The following SSUH2 variants were observed in gnomAD, a reference collection of about 807,000 sequenced individuals.
SSUH2 encodes ssu-2 homolog, also known as protein SSUH2 homolog.
Under a neutral mutation model 55.3 loss-of-function variants are expected in SSUH2, and 47 were observed. That is an observed-to-expected ratio of 0.85 (90% CI 0.67 to 1.08). The LOEUF (loss-of-function observed/expected upper bound fraction) is 1.08, where lower values mean the gene tolerates loss of function less well. Ranked by LOEUF, SSUH2 falls within the 50% of genes least tolerant of loss-of-function variation. SSUH2 has a pLI of 0.00. For synonymous variants in SSUH2, 212 were observed against 191.5 expected (o/e 1.11, Z -0.89); for missense variants, 535 against 490.7 (o/e 1.09, Z -0.85).
chr3:8,644,065 CAT>C (rs1283500694), intron 1 of SSUH2, among the ~76,000 whole-genome samples: 1 of 151,910 alleles, frequency 6.6e-6, no homozygotes, highest in African/African-American at 2.4e-5. Context: ...CTTTTTAAAA[CAT>C]AGCACATTTC....
At chr3:8,621,158 G>C (rs1017958530) in intron 11 of SSUH2, among the ~76,000 whole-genome samples, 1 of 152,170 alleles carries the variant, frequency 6.6e-6, no homozygotes, top group African/African-American at 2.4e-5. Flanking sequence ...TGTGGGCCGG[G>C]CTCTGTGCAA....
At chr3:8,677,591 A>G (rs149145635) in intron 2 of SSUH2, among the ~76,000 whole-genome samples, 2,348 of 150,834 alleles carry the variant, frequency 0.016, 131 homozygotes, top group African/African-American at 0.053. Context: ...CATTGTATGC[A>G]TCAGAGAGAG....
intron 7 of SSUH2, among the ~76,000 whole-genome samples, chr3:8,653,062 A>G (rs1702584590): frequency 6.6e-6 from 1 of 152,198 alleles, no homozygotes. Flanking sequence ...GAGAATCCAC[A>G]ACCAAAAACC....
rs1192424756 is a variant in SSUH2 at position 8,623,615 on chromosome 3, AAG to A, written c.913_914del (p.Leu305CysfsTer27). On this transcript the variant is annotated frameshift_variant, in exon 11 of 12. Coordinates refer to ENST00000544814, the MANE Select transcript of SSUH2 (RefSeq NM_001256748.3). LOFTEE classifies it high-confidence loss of function. Reference protein sequence around the residue: ...IVDFPLRDISLASQRGIAEHS... With the variant: ...IVDFPLRDISXASQRGIAEHS... The stretch of plus-strand genomic sequence containing the variant: ...GCTCTGCAATGCCCCTCTGGGAGGC[AAG>A]AGAGATGTCTCGCAGAGGGAAGTCC... The A allele has an allele frequency of 1.3e-6, 2 of 1,544,774 alleles. No homozygotes were observed. The highest frequency in any genetic ancestry group is 2.7e-5 in the African/African-American group (2 of 72,930).
At chr3:8,676,787 G>T (rs1471702115) in intron 3 of SSUH2, among the ~76,000 whole-genome samples, 3 of 147,790 alleles carry the variant, frequency 2.0e-5, no homozygotes, top group East Asian at 4.1e-4. Context: ...CATCGCAGTG[G>T]GGGGAGGCAC....
intron 7 of SSUH2, among the ~76,000 whole-genome samples, chr3:8,655,914 CACTT>C (rs1284298763): frequency 6.6e-6 from 1 of 152,192 alleles, no homozygotes; most frequent in Non-Finnish European, 1.5e-5. Flanking sequence ...CAGATATCTC[CACTT>C]TTTTTTTCTT....
Position 8,681,160 on chromosome 3 carries a change from CAG to C in SSUH2, c.-1046+729_-1046+730del, listed in dbSNP as rs1491499748. 2.0e-4 allele frequency among the ~76,000 whole-genome samples: 26 copies of C among 130,742 alleles called. 1 individual carries two copies. The highest frequency in any genetic ancestry group is 7.1e-4 in the African/African-American group (26 of 36,646). The allele number at this position is 130,742 out of a possible 152,430, so 85.8% of individuals were successfully genotyped here. ...CCCCTGCCTCTTAGGACTTCCATAG[CAG>C]GGGGGGGAGTCACCCCATGCAAGGC... On this transcript the variant is annotated intron_variant, in intron 1 of 18. Coordinates refer to the SSUH2 transcript ENST00000317371.
chr3:8,639,300 C>T (rs1359107046), intron 1 of SSUH2, among the ~76,000 whole-genome samples: 1 of 152,162 alleles, frequency 6.6e-6, no homozygotes, highest in Non-Finnish European at 1.5e-5. Context: ...TCCCGTGGCT[C>T]CCAAAGGGAC....
intron 4 of SSUH2, among the ~76,000 whole-genome samples, chr3:8,671,453 G>C (rs1425022405): frequency 6.6e-6 from 1 of 151,946 alleles, no homozygotes; most frequent in Non-Finnish European, 1.5e-5. Flanking sequence ...TGTGACATAA[G>C]AGGTGACATC....
intron 5 of SSUH2, among the ~76,000 whole-genome samples, chr3:8,665,395 T>C (rs1366927128): frequency 6.6e-6 from 1 of 152,142 alleles, no homozygotes; most frequent in Non-Finnish European, 1.5e-5. Context: ...ACCATGTTAA[T>C]TAGCATAGTC....
At chr3:8,676,813 G>T (rs533345279) in intron 3 of SSUH2, among the ~76,000 whole-genome samples, 2 of 148,374 alleles carry the variant, frequency 1.3e-5, no homozygotes, top group South Asian at 4.2e-4. Flanking sequence ...GTGAGGCGGG[G>T]ACTGAGAGCC....
intron 2 of SSUH2, among the ~76,000 whole-genome samples, 161 bp downstream of exon 2, chr3:8,635,598 C>A (rs1245203334): frequency 3.9e-5 from 6 of 152,216 alleles, no homozygotes; most frequent in Non-Finnish European, 7.3e-5. Context: ...AAGGCCTATG[C>A]CCCATTGCTT....
intron 2 of SSUH2, among the ~76,000 whole-genome samples, chr3:8,678,480 C>CG (rs1168161631): frequency 1.3e-5 from 2 of 148,504 alleles, no homozygotes; most frequent in Non-Finnish European, 3.0e-5. Flanking sequence ...CTTAGGACCC[C>CG]CATTGCAAGG....
upstream of SSUH2, among the ~76,000 whole-genome samples, chr3:8,647,818 C>T (rs767908436): frequency 2.6e-5 from 4 of 152,236 alleles, no homozygotes; most frequent in Non-Finnish European, 5.9e-5. Flanking sequence ...CCCCAAAGGG[C>T]CTGGCAGCCA....
intron 7 of SSUH2, among the ~76,000 whole-genome samples, chr3:8,656,352 TGAG>T (rs1485261888): frequency 6.6e-6 from 1 of 152,264 alleles, no homozygotes; most frequent in East Asian, 1.9e-4. Flanking sequence ...ATACAGGAAA[TGAG>T]GCCTCCTGGA....
rs531560231 is a variant in SSUH2, at chr3:8,653,421, A to G, written c.-307+5504T>C. On this transcript the variant is annotated intron_variant, in intron 7 of 18. Coordinates refer to the SSUH2 transcript ENST00000317371. Reference sequence around the variant, plus strand: ...CATGTAAATTTGCTTATAAGTGTGCATACACTTAGAATTTTTAAAAAGCGT... The same window carrying G: ...CATGTAAATTTGCTTATAAGTGTGCGTACACTTAGAATTTTTAAAAAGCGT... 3.9e-5 allele frequency among the ~76,000 whole-genome samples: 6 copies of G among 152,374 alleles called. No individual in the cohort carries two copies. In the South Asian group the frequency reaches 1.2e-3, roughly 32 times the overall value.
At chr3:8,643,527 C>T (rs241047) in intron 1 of SSUH2, among the ~76,000 whole-genome samples, 1 of 152,192 alleles carries the variant, frequency 6.6e-6, no homozygotes, top group East Asian at 1.9e-4. Context: ...TAAAATATCT[C>T]CAGGCAGTCT....
Position 8,629,744 on chromosome 3 carries a change from T to C in SSUH2, c.526-18A>G. ...TGGCATTCCTGAAAGTGCAACGCTTTCTTGGGATCTAGTTTCCCAAGGGCC... is the reference window on the plus strand; with the variant it reads ...TGGCATTCCTGAAAGTGCAACGCTTCCTTGGGATCTAGTTTCCCAAGGGCC... On this transcript the variant is annotated intron_variant, in intron 6 of 11. Coordinates refer to ENST00000544814, the MANE Select transcript of SSUH2 (RefSeq NM_001256748.3). The C allele has an allele frequency of 6.2e-7, 1 of 1,613,858 alleles. No homozygotes were observed.
chr3:8,643,049 G>A (rs553578823), intron 1 of SSUH2, among the ~76,000 whole-genome samples: 53 of 152,204 alleles, frequency 3.5e-4, no homozygotes, highest in African/African-American at 1.2e-3. Context: ...CTCACCAAAA[G>A]GCATGAGGTC....
Sources: gnomAD v4.1 joint callset for allele counts (sites outside exome capture counted in the v4.1 genomes callset) on GRCh38, gnomAD v4.1.1 for gene constraint, MANE v1.5 for transcripts, NCBI Gene and HGNC (gene_info 2026-07-23, HGNC 2026-07-21) for gene names.